SMYD3: variants seen among roughly 807,000 people sequenced by gnomAD.
The protein encoded by SMYD3 is histone-lysine N-methyltransferase SMYD3.
Under a neutral mutation model 57.7 loss-of-function variants are expected in SMYD3, and 36 were observed. The ratio of observed to expected loss-of-function variants is 0.62; its 90% CI spans 0.48 to 0.82. The LOEUF is 0.82. SMYD3 is among the 40% of genes least tolerant of loss of function. The pLI is 0.00. For synonymous variants in SMYD3, 211 were observed against 195.0 expected (o/e 1.08, Z -0.68); for missense variants, 515 against 538.8 (o/e 0.96, Z 0.44).
chr1:246,144,938 T>A (rs1482697409), intron 5 of SMYD3, among the ~76,000 whole-genome samples: 6 of 152,152 alleles, frequency 3.9e-5, no homozygotes, highest in Non-Finnish European at 8.8e-5. Flanking sequence ...TTCCAGAAAG[T>A]CAACTTCCCC....
In SMYD3 at chr1:246,258,634, C is replaced by T. The variant is rs561321223; in HGVS notation, c.531+68567G>A. On this transcript the variant is annotated intron_variant, in intron 5 of 11. Transcript: ENST00000490107. ...GTTGTACAAAATCTGACCTTTTTCT[C>T]TAGCTGCCTTTAAGATATTTTTCTT... Among the ~76,000 whole-genome samples the T allele has an allele frequency of 1.7e-4, 26 of 152,264 alleles. No homozygotes were observed. In the East Asian group the frequency reaches 4.2e-3, roughly 25 times the overall value.
intron 5 of SMYD3, among the ~76,000 whole-genome samples, chr1:246,183,501 G>A (rs2062585876): frequency 6.6e-6 from 1 of 151,318 alleles, no homozygotes; most frequent in Middle Eastern, 3.4e-3. Flanking sequence ...GAGAAATCAG[G>A]GAAAATGCAA....
At chr1:246,253,014 T>C (rs371698224) in intron 5 of SMYD3, among the ~76,000 whole-genome samples, 1 of 152,238 alleles carries the variant, frequency 6.6e-6, no homozygotes, top group African/African-American at 2.4e-5. Context: ...TCAAATGATA[T>C]GTTATTTGAC....
intron 5 of SMYD3, among the ~76,000 whole-genome samples, chr1:246,216,532 T>C (rs1271768781): frequency 6.6e-6 from 1 of 152,146 alleles, no homozygotes; most frequent in Non-Finnish European, 1.5e-5. Context: ...TTGTTACTAA[T>C]TGTCTAAGAC....
At chr1:246,480,925 A>G (rs2068091342) in intron 1 of SMYD3, among the ~76,000 whole-genome samples, 1 of 152,050 alleles carries the variant, frequency 6.6e-6, no homozygotes, top group Non-Finnish European at 1.5e-5. Flanking sequence ...CAGCCTCTCA[A>G]GCAGCTGGGA....
At chr1:246,419,614 C>T (rs936759751) in intron 1 of SMYD3, among the ~76,000 whole-genome samples, 5 of 152,184 alleles carry the variant, frequency 3.3e-5, no homozygotes, top group African/African-American at 1.2e-4. Flanking sequence ...ACTTCCCTTA[C>T]CCCCTTCCTC....
At chr1:245,972,628 A>G (rs1438436215) in intron 5 of SMYD3, among the ~76,000 whole-genome samples, 1 of 152,232 alleles carries the variant, frequency 6.6e-6, no homozygotes, top group Non-Finnish European at 1.5e-5. Flanking sequence ...AACCCCTGGA[A>G]TCAGGCACAG....
At chr1:246,391,065 G>A (rs1219416193) in intron 1 of SMYD3, among the ~76,000 whole-genome samples, 1 of 152,002 alleles carries the variant, frequency 6.6e-6, no homozygotes, top group Non-Finnish European at 1.5e-5. Flanking sequence ...CACATCAAAA[G>A]GAAGAGACCA....
chr1:245,761,381 T>G lies in SMYD3; in HGVS notation c.1185+2660A>C, dbSNP rs959522404. Reference sequence around the variant, plus strand: ...TGGGCATGAGGGATGTAAAGGGCAGTAAGAGGGTCATCTGAAGGGCTGGTG... The same window carrying G: ...TGGGCATGAGGGATGTAAAGGGCAGGAAGAGGGTCATCTGAAGGGCTGGTG... On this transcript the variant is annotated intron_variant, in intron 11 of 11. Coordinates refer to ENST00000490107, the MANE Select transcript of SMYD3 (RefSeq NM_001167740.2). Among the ~76,000 whole-genome samples, 5 of 152,216 alleles carry G rather than the reference T, an allele frequency of 3.3e-5. No individual in the cohort carries two copies. The South Asian group carries it at 1.0e-3, about 32-fold the overall frequency.
intron 10 of SMYD3, among the ~76,000 whole-genome samples, chr1:245,803,887 T>C (rs1443454710): frequency 6.6e-6 from 1 of 151,186 alleles, no homozygotes; most frequent in Non-Finnish European, 1.5e-5. Flanking sequence ...CAGATATCCC[T>C]GGACTTTCCA....
chr1:245,949,459 AAG>A (rs1353578724), intron 5 of SMYD3, among the ~76,000 whole-genome samples: 2 of 152,162 alleles, frequency 1.3e-5, no homozygotes, highest in Non-Finnish European at 2.9e-5. Flanking sequence ...AAAAAAGAAA[AAG>A]AAAAAAAATC....
In SMYD3 at chr1:245,882,545, T is replaced by C. The variant is rs113449780; in HGVS notation, c.814-18659A>G. Among the ~76,000 whole-genome samples the C allele has an allele frequency of 4.0e-3, 615 of 152,296 alleles. 5 individuals carry two copies. Among genetic ancestry groups the C allele is most frequent in the African/African-American group, 0.014 (577 of 41,560 alleles). On this transcript the variant is annotated intron_variant, in intron 8 of 11. Transcript: ENST00000490107. The stretch of plus-strand genomic sequence containing the variant: ...AGGGGTGTTGAGAGGAAAAAGTGAA[T>C]GAAGTTTGAGAAACTAGCAATGAAG...
intron 10 of SMYD3, among the ~76,000 whole-genome samples, chr1:245,794,435 A>G (rs1016360616): frequency 2.0e-5 from 3 of 152,218 alleles, no homozygotes; most frequent in Non-Finnish European, 4.4e-5. Flanking sequence ...TGTTCTCTCA[A>G]TCAAATTGAA....
chr1:246,126,961 A>G (rs569011056), intron 5 of SMYD3, among the ~76,000 whole-genome samples: 1 of 152,266 alleles, frequency 6.6e-6, no homozygotes, highest in Admixed American at 6.5e-5. Context: ...AATGAAGGGG[A>G]TATTCCAAAA....
chr1:245,780,497 C>T (rs1401162234), intron 10 of SMYD3, among the ~76,000 whole-genome samples: 1 of 152,054 alleles, frequency 6.6e-6, no homozygotes, highest in Non-Finnish European at 1.5e-5. Flanking sequence ...TCCACAGAGA[C>T]ACAAACTAGA....
At chr1:246,144,134 C>A (rs1011326759) in intron 5 of SMYD3, among the ~76,000 whole-genome samples, 8 of 152,180 alleles carry the variant, frequency 5.3e-5, no homozygotes, top group Non-Finnish European at 1.0e-4. Flanking sequence ...GTCGAGCTGA[C>A]AAGAGCTGAC....
At chr1:246,282,798 T>A (rs984592460) in intron 5 of SMYD3, among the ~76,000 whole-genome samples, 1 of 152,198 alleles carries the variant, frequency 6.6e-6, no homozygotes, top group Non-Finnish European at 1.5e-5. Context: ...TATTCATGAC[T>A]AGAATAACTG....
intron 10 of SMYD3, among the ~76,000 whole-genome samples, chr1:245,776,850 T>G (rs889411595): frequency 6.6e-6 from 1 of 152,258 alleles, no homozygotes; most frequent in Non-Finnish European, 1.5e-5. Flanking sequence ...CCAAATCCCA[T>G]GAGCAACATG....
chr1:246,422,905 T>C (rs906353404), intron 1 of SMYD3, among the ~76,000 whole-genome samples: 5 of 151,920 alleles, frequency 3.3e-5, no homozygotes, highest in African/African-American at 9.7e-5. Context: ...TAGAGGATAA[T>C]AACAAAATTA....
Sources: allele counts gnomAD v4.1 joint callset (sites outside exome capture counted in the v4.1 genomes callset), GRCh38; gene constraint gnomAD v4.1.1; transcripts MANE v1.5; gene names NCBI Gene and HGNC (gene_info 2026-07-23, HGNC 2026-07-21).